NRG2: variants seen among roughly 807,000 people sequenced by gnomAD.
NRG2 encodes the protein pro-neuregulin-2, membrane-bound isoform.
NRG2 carries 27 observed loss-of-function variants against 73.9 expected under a neutral mutation model. The observed-to-expected ratio is 0.37, with a 90% confidence interval of 0.27 to 0.50. The LOEUF (loss-of-function observed/expected upper bound fraction) is 0.50, where lower values mean the gene tolerates loss of function less well. Ranked by LOEUF, NRG2 falls within the 20% of genes least tolerant of loss-of-function variation. NRG2 has a pLI of 0.96. For synonymous variants in NRG2, 532 were observed against 541.0 expected (o/e 0.98, Z 0.23); for missense variants, 1,126 against 1,210.1 (o/e 0.93, Z 1.03).
chr5:139,931,194 TA>T (rs1464483067), intron 1 of NRG2, among the ~76,000 whole-genome samples: 1 of 152,210 alleles, frequency 6.6e-6, no homozygotes, highest in African/African-American at 2.4e-5. Context: ...AGACCTGTCA[TA>T]CAGAGGGAAC....
intron 5 of NRG2, among the ~76,000 whole-genome samples, chr5:139,861,512 C>A (rs560387772): frequency 3.9e-5 from 6 of 152,330 alleles, no homozygotes; most frequent in African/African-American, 1.4e-4. Flanking sequence ...TTCAACCCCC[C>A]AGTTCCATGC....
chr5:139,921,248 G>A (rs570094294), intron 1 of NRG2, among the ~76,000 whole-genome samples: 5 of 152,246 alleles, frequency 3.3e-5, no homozygotes, highest in East Asian at 1.9e-4. Context: ...ATCAATAAAC[G>A]TATTCTAAAG....
rs1440070298 is a variant in NRG2 at position 139,958,369 on chromosome 5, G to T, written c.701-70858C>A. Among the ~76,000 whole-genome samples, 4 of 152,128 alleles carry T rather than the reference G, an allele frequency of 2.6e-5. No homozygotes were observed. The East Asian group carries it at 5.8e-4, about 22-fold the overall frequency. Reference sequence around the variant, plus strand: ...GCTTTTTCAAGCATCAATACTTTTTGATTTGAAATCTCTCTTTTCCAAACT... The same window carrying T: ...GCTTTTTCAAGCATCAATACTTTTTTATTTGAAATCTCTCTTTTCCAAACT... On this transcript the variant is annotated intron_variant, in intron 1 of 9. Coordinates refer to ENST00000361474, the MANE Select transcript of NRG2 (RefSeq NM_004883.3).
chr5:140,019,971 C>T (rs1365414481), intron 1 of NRG2, among the ~76,000 whole-genome samples: 11 of 152,178 alleles, frequency 7.2e-5, no homozygotes, highest in Admixed American at 6.5e-5. Context: ...CCAGGCTGGT[C>T]TCAAACTCCT....
intron 1 of NRG2, among the ~76,000 whole-genome samples, chr5:139,966,520 G>A (rs1356245623): frequency 6.6e-6 from 1 of 152,190 alleles, no homozygotes; most frequent in Non-Finnish European, 1.5e-5. Context: ...TTTCCCAGAG[G>A]AGGGACATTC....
At chr5:139,987,922 A>G (rs1757296711) in intron 1 of NRG2, among the ~76,000 whole-genome samples, 1 of 151,906 alleles carries the variant, frequency 6.6e-6, no homozygotes. Context: ...CTATAGGCGC[A>G]CACCGCCATG....
At chr5:140,033,567 G>A (rs1761301763) in intron 1 of NRG2, among the ~76,000 whole-genome samples, 1 of 152,088 alleles carries the variant, frequency 6.6e-6, no homozygotes, top group Admixed American at 6.6e-5. Context: ...TCATATCCTG[G>A]GACTCACAAG....
At chr5:139,906,750 A>G (rs926927475) in intron 1 of NRG2, among the ~76,000 whole-genome samples, 4 of 152,262 alleles carry the variant, frequency 2.6e-5, no homozygotes, top group Non-Finnish European at 4.4e-5. Context: ...TTAAGGAGAC[A>G]TGCATTCAAC....
chr5:139,925,698 A>C (rs1400294787), intron 1 of NRG2, among the ~76,000 whole-genome samples: 2 of 152,238 alleles, frequency 1.3e-5, no homozygotes, highest in Non-Finnish European at 2.9e-5. Context: ...CAGCCGAACC[A>C]GGCCCTGGGA....
chr5:139,901,856 CT>C (rs915865844), intron 1 of NRG2, among the ~76,000 whole-genome samples: 2 of 152,226 alleles, frequency 1.3e-5, no homozygotes, highest in African/African-American at 4.8e-5. Context: ...CAAAGTCATT[CT>C]TTAAAACAAC....
At chr5:139,978,798 C>A (rs62383911) in intron 1 of NRG2, among the ~76,000 whole-genome samples, 1 of 151,896 alleles carries the variant, frequency 6.6e-6, no homozygotes, top group African/African-American at 2.4e-5. Context: ...ATGTTTATTG[C>A]GGCACTATTC....
chr5:140,021,167 T>C (rs889421262), intron 1 of NRG2, among the ~76,000 whole-genome samples: 10 of 152,202 alleles, frequency 6.6e-5, no homozygotes, highest in African/African-American at 2.4e-4. Context: ...ATATCCCTGG[T>C]AGGTAAGAAA....
intron 3 of NRG2, among the ~76,000 whole-genome samples, chr5:139,874,775 C>T (rs1033407320): frequency 6.6e-6 from 1 of 152,220 alleles, no homozygotes; most frequent in Non-Finnish European, 1.5e-5. Context: ...CCACCTCTCC[C>T]ACTTCATCTC....
chr5:140,028,048 T>C (rs376456609), intron 1 of NRG2, among the ~76,000 whole-genome samples: 22 of 152,284 alleles, frequency 1.4e-4, no homozygotes, highest in African/African-American at 5.3e-4. Flanking sequence ...CCTTTCTAAA[T>C]GGAATCATCT....
At chr5:139,890,473 C>CTTTTTTT (rs11288649) in intron 1 of NRG2, among the ~76,000 whole-genome samples, 8 of 106,018 alleles carry the variant, frequency 7.5e-5, no homozygotes, top group Non-Finnish European at 1.2e-4. Context: ...TTCTTTCTTT[C>CTTTTTTT]TTTTTTTTTT....
rs768778297 is a variant in NRG2 at position 139,865,239 on chromosome 5, C to A, written c.1189+310G>T. The A allele has an allele frequency of 7.4e-7, 1 of 1,348,970 alleles. No individual in the cohort carries two copies. Among genetic ancestry groups the A allele is most frequent in the South Asian group, 1.2e-5 (1 of 84,568 alleles). 83.6% of individuals were successfully genotyped at this position (1,348,970 alleles called of 1,614,324 possible). Reference sequence around the variant, plus strand: ...GCAAGACACAGGCATTGCAACACCCCGGCACGGGCTCCTGCCAATGCCAGC... The same window carrying A: ...GCAAGACACAGGCATTGCAACACCCAGGCACGGGCTCCTGCCAATGCCAGC... On this transcript the variant is annotated intron_variant, in intron 5 of 9. Transcript: ENST00000361474. The surrounding 1 kb of genome is among the most constrained non-coding windows in gnomAD (Gnocchi z 5.2).
chr5:139,851,048 C>T lies in NRG2; in HGVS notation c.1772+556G>A, dbSNP rs137907029. On this transcript the variant is annotated intron_variant, in intron 9 of 9. Transcript: ENST00000361474. This position sits in a 1 kb window ranked among gnomAD's most constrained non-coding sequence, Gnocchi z 4.2. ...TGTTGCTGAGGTTGGAGTGCAGTGG[C>T]GCCATCTCAGCTCACTGCAACCTCC... Among the ~76,000 whole-genome samples the T allele has an allele frequency of 3.7e-3, 560 of 151,472 alleles. 2 individuals are homozygous for T. Among genetic ancestry groups the T allele is most frequent in the African/African-American group, 0.013 (525 of 41,242 alleles).
chr5:139,953,342 GGTCAGCCAGAGAAACACT>G (rs1754370142), intron 1 of NRG2, among the ~76,000 whole-genome samples: 1 of 152,182 alleles, frequency 6.6e-6, no homozygotes, highest in Admixed American at 6.5e-5. Flanking sequence ...GGAAGAAACA[GGTCAGCCAGAGAAACACT>G]CTAGGCCCCT....
chr5:139,855,847 C>G (rs1761774113), intron 5 of NRG2, 69 bp from the exon 6 acceptor site: 14 of 1,219,766 alleles, frequency 1.1e-5, no homozygotes, highest in Non-Finnish European at 1.6e-5. Context: ...GGTGCAGAGA[C>G]CCCTTTGCCC....
Sources: allele counts gnomAD v4.1 joint callset (sites outside exome capture counted in the v4.1 genomes callset), GRCh38; gene constraint gnomAD v4.1.1; non-coding constraint Gnocchi (gnomAD v3.1); transcripts MANE v1.5; gene names NCBI Gene and HGNC (gene_info 2026-07-23, HGNC 2026-07-21).